The following TNR variants were observed in gnomAD, a reference collection of about 807,000 sequenced individuals.
TNR encodes the protein tenascin-R.
A neutral mutation model predicts 150.4 loss-of-function variants in TNR; 45 were observed. The ratio of observed to expected loss-of-function variants is 0.30; its 90% confidence interval spans 0.24 to 0.38. The LOEUF (loss-of-function observed/expected upper bound fraction) is 0.38, where lower values mean the gene tolerates loss of function less well. Among genes scored for constraint, TNR ranks in the 10% least tolerant of loss-of-function variants. TNR has a pLI of 1.00. For missense variants in TNR, 1,544 were observed against 1,759.1 expected, an observed-to-expected ratio of 0.88 and a Z score of 2.19; for synonymous variants, 687 against 678.4, an observed-to-expected ratio of 1.01 and a Z score of -0.20.
In TNR at chr1:175,723,514, AT is replaced by A. The variant is rs374833286; in HGVS notation, c.-165+19711del. ...TGGAGCTTACAGTCTACTGGGAAAC[AT>A]GGATATTAACTAAGTAGTCTTATAT... On this transcript the variant is annotated intron_variant, in intron 1 of 22. Transcript: ENST00000367674. Among the ~76,000 whole-genome samples, 224 of 152,352 alleles carry A rather than the reference AT, an allele frequency of 1.5e-3. 1 individual carries two copies. Among genetic ancestry groups the A allele is most frequent in the African/African-American group, 5.1e-3 (211 of 41,576 alleles).
intron 1 of TNR, among the ~76,000 whole-genome samples, chr1:175,713,611 A>T (rs969091356): frequency 2.2e-4 from 33 of 152,206 alleles, no homozygotes; most frequent in African/African-American, 7.2e-4. Context: ...CCTGGCTTCA[A>T]TCATCACCAA....
At chr1:175,360,445 A>T (rs1476658866) in intron 14 of TNR, among the ~76,000 whole-genome samples, 1 of 152,212 alleles carries the variant, frequency 6.6e-6, no homozygotes. Flanking sequence ...TTAGAGGAAA[A>T]GATTGTGCTT....
At chr1:175,741,085 A>T (rs1008135668) in intron 1 of TNR, among the ~76,000 whole-genome samples, 1 of 152,212 alleles carries the variant, frequency 6.6e-6, no homozygotes, top group African/African-American at 2.4e-5. Context: ...GCTGATTCTC[A>T]TTCTTCACCA....
intron 2 of TNR, among the ~76,000 whole-genome samples, chr1:175,487,828 A>C (rs1235851526): frequency 1.3e-5 from 2 of 152,140 alleles, no homozygotes; most frequent in Non-Finnish European, 2.9e-5. Flanking sequence ...TGGAATTGTT[A>C]TTTTAGTTAT....
chr1:175,681,945 A>G (rs1038754999), intron 1 of TNR, among the ~76,000 whole-genome samples: 14 of 152,206 alleles, frequency 9.2e-5, no homozygotes, highest in African/African-American at 3.4e-4. Context: ...CCGACCCCCA[A>G]GAAAGGAGCT....
intron 2 of TNR, among the ~76,000 whole-genome samples, chr1:175,439,729 C>A (rs570028643): frequency 1.3e-5 from 2 of 152,342 alleles, no homozygotes; most frequent in African/African-American, 4.8e-5. Context: ...TGAACAGACA[C>A]TTCTCAAAAG....
intron 1 of TNR, among the ~76,000 whole-genome samples, chr1:175,714,379 T>C (rs1667097048): frequency 6.6e-6 from 1 of 152,118 alleles, no homozygotes; most frequent in Middle Eastern, 3.2e-3. Context: ...ATAAGCCAAA[T>C]GAAGCAGCAG....
At chr1:175,353,130 A>G (rs917225083) in intron 18 of TNR, among the ~76,000 whole-genome samples, 2 of 152,158 alleles carry the variant, frequency 1.3e-5, no homozygotes, top group African/African-American at 4.8e-5. Context: ...TACATTATGG[A>G]CTGTAGAGAG....
Position 175,323,524 on chromosome 1 carries a change from C to A in TNR, c.3958-48G>T, listed in dbSNP as rs201311598. ...TGTCAGGTCATCCCCCACCATGGAA[C>A]GCCCCACTTCAAAAAAGGGGTAATT... On this transcript the variant is annotated intron_variant, in intron 22 of 22. Coordinates refer to ENST00000367674, the MANE Select transcript of TNR (RefSeq NM_003285.3). The A allele has an allele frequency of 6.3e-6, 10 of 1,592,672 alleles. No homozygotes were observed. The Admixed American group carries it at 7.0e-5, about 11-fold the overall frequency.
At chr1:175,541,618 G>A (rs1011204971) in intron 1 of TNR, among the ~76,000 whole-genome samples, 1 of 152,116 alleles carries the variant, frequency 6.6e-6, no homozygotes, top group African/African-American at 2.4e-5. Flanking sequence ...AACCATTACT[G>A]AATCTGGGGC....
intron 1 of TNR, among the ~76,000 whole-genome samples, chr1:175,606,060 AAC>A (rs1245792520): frequency 1.3e-5 from 2 of 152,220 alleles, no homozygotes; most frequent in Non-Finnish European, 2.9e-5. Flanking sequence ...TTCATTCTTA[AAC>A]GGACAATAAT....
At chr1:175,526,015 T>G (rs1030609498) in intron 2 of TNR, among the ~76,000 whole-genome samples, 1 of 152,052 alleles carries the variant, frequency 6.6e-6, no homozygotes, top group Non-Finnish European at 1.5e-5. Context: ...TTGCTGGTTT[T>G]TTTTTTTAAA....
At chr1:175,671,343 A>G (rs1308956124) in intron 1 of TNR, among the ~76,000 whole-genome samples, 1 of 152,260 alleles carries the variant, frequency 6.6e-6, no homozygotes, top group African/African-American at 2.4e-5. Flanking sequence ...GACACTGTGC[A>G]GCCAGGCAGA....
chr1:175,637,738 T>C (rs1287455076), intron 1 of TNR, among the ~76,000 whole-genome samples: 1 of 152,182 alleles, frequency 6.6e-6, no homozygotes. Context: ...AGAAGAAATC[T>C]ACCACTAGGG....
At position 175,315,366 on chromosome 1, in the gene TNR, C is replaced by T. The variant is rs1342965742; in HGVS notation, c.*7991G>A. ...ATCAGAGAAGTTGGTTTTTCCTCTC[C>T]CTTCCTCTGTACATTTTTATTTTTA... is the stretch of plus-strand genomic sequence containing the variant. On this transcript the variant is annotated 3_prime_UTR_variant, in exon 23 of 23. Coordinates refer to ENST00000367674, the MANE Select transcript of TNR (RefSeq NM_003285.3). The T allele has an allele frequency of 6.6e-6, 1 of 152,174 alleles. No individual in the cohort carries two copies. Among genetic ancestry groups the T allele is most frequent in the Non-Finnish European group, 1.5e-5 (1 of 68,024 alleles). 9.4% of individuals were successfully genotyped at this position (152,174 alleles called of 1,614,324 possible). A position where few individuals can be genotyped will look rare whatever the true frequency, so the allele number is the denominator to read the frequency against.
chr1:175,696,235 T>TTG (rs1666518745), intron 1 of TNR, among the ~76,000 whole-genome samples: 1 of 131,384 alleles, frequency 7.6e-6, no homozygotes, highest in African/African-American at 3.0e-5. Context: ...TTTTTTTTTT[T>TTG]TTTTTTTTTC....
chr1:175,378,313 CATT>C (rs1652506186), intron 9 of TNR, among the ~76,000 whole-genome samples: 2 of 150,316 alleles, frequency 1.3e-5, no homozygotes, highest in Non-Finnish European at 3.0e-5. Context: ...TTCATTCATT[CATT>C]CATTCATTCA....
chr1:175,464,846 G>A (rs1656962373), intron 2 of TNR, among the ~76,000 whole-genome samples: 1 of 152,074 alleles, frequency 6.6e-6, no homozygotes, highest in Non-Finnish European at 1.5e-5. Context: ...TACCCTGGAG[G>A]GGACACTGAA....
At chr1:175,454,724 G>A (rs970029025) in intron 2 of TNR, among the ~76,000 whole-genome samples, 11 of 152,168 alleles carry the variant, frequency 7.2e-5, no homozygotes, top group African/African-American at 1.9e-4. Context: ...CACCCGCCTC[G>A]GCCTCCCAGA....
Sources: allele counts gnomAD v4.1 joint callset (sites outside exome capture counted in the v4.1 genomes callset), GRCh38; gene constraint gnomAD v4.1.1; transcripts MANE v1.5; gene names NCBI Gene and HGNC (gene_info 2026-07-23, HGNC 2026-07-21).